SUCLA2: variants seen among roughly 807,000 people sequenced by gnomAD.
SUCLA2 encodes succinate-CoA ligase ADP-forming subunit beta, also known as succinate--CoA ligase [ADP-forming] subunit beta, mitochondrial.
Under a neutral mutation model 54.8 loss-of-function variants are expected in SUCLA2, and 30 were observed. The ratio of observed to expected loss-of-function variants is 0.55; its 90% CI spans 0.41 to 0.74. The LOEUF (loss-of-function observed/expected upper bound fraction) is 0.74. SUCLA2 is among the 30% of genes least tolerant of loss of function. The probability of loss-of-function intolerance (pLI) is 0.00; values close to 1 mark genes in which losing one functional copy is unlikely to be tolerated. For synonymous variants in SUCLA2, 172 were observed against 188.9 expected, an observed-to-expected ratio of 0.91 and a Z score of 0.74; for missense variants, 476 against 562.9, an observed-to-expected ratio of 0.85 and a Z score of 1.56.
At chr13:47,955,479 AGT>A (rs1949813147) in intron 6 of SUCLA2, among the ~76,000 whole-genome samples, 1 of 152,176 alleles carries the variant, frequency 6.6e-6, no homozygotes, top group African/African-American at 2.4e-5. Flanking sequence ...TGAGATTAAA[AGT>A]GTGAGCAACT....
chr13:47,978,021 C>CAA (rs1018014387), intron 4 of SUCLA2, among the ~76,000 whole-genome samples: 16 of 152,142 alleles, frequency 1.1e-4, no homozygotes, highest in African/African-American at 3.6e-4. Context: ...AGAAAGAACA[C>CAA]AAAGGGAAAA....
At chr13:47,977,974 C>T (rs935143645) in intron 4 of SUCLA2, among the ~76,000 whole-genome samples, 1 of 152,096 alleles carries the variant, frequency 6.6e-6, no homozygotes, top group Non-Finnish European at 1.5e-5. Context: ...TGAAGAACCT[C>T]TTCAAAGAGA....
chr13:47,943,910 G>A (rs987514409), intron 10 of SUCLA2, among the ~76,000 whole-genome samples: 2 of 151,908 alleles, frequency 1.3e-5, no homozygotes, highest in Non-Finnish European at 2.9e-5. Flanking sequence ...TGTTGGGATA[G>A]AAATTTGGGT....
chr13:47,986,660 T>C (rs181057710), intron 4 of SUCLA2, among the ~76,000 whole-genome samples: 29 of 152,338 alleles, frequency 1.9e-4, no homozygotes, highest in Non-Finnish European at 1.3e-4. Context: ...GATTTCCTTC[T>C]AGAGTTTTTA....
chr13:47,947,397 A>C (rs569017486), intron 10 of SUCLA2, among the ~76,000 whole-genome samples: 1 of 152,348 alleles, frequency 6.6e-6, no homozygotes, highest in East Asian at 1.9e-4. Flanking sequence ...ATTATTTTGA[A>C]AATTGGTCAA....
intron 4 of SUCLA2, among the ~76,000 whole-genome samples, chr13:47,983,741 G>A (rs952629146): frequency 2.0e-5 from 3 of 151,878 alleles, no homozygotes; most frequent in Admixed American, 6.6e-5. Context: ...CACCCGCCTC[G>A]GCCTCTCAAA....
intron 1 of SUCLA2, 83 bp downstream of exon 1, chr13:48,001,097 C>A (rs1950227488): frequency 2.0e-6 from 3 of 1,534,370 alleles, no homozygotes; most frequent in South Asian, 1.2e-5. Flanking sequence ...GGCGAAGTGA[C>A]CCCGAGCCGG....
At chr13:47,990,580 T>C (rs1950142168) in intron 2 of SUCLA2, among the ~76,000 whole-genome samples, 1 of 152,152 alleles carries the variant, frequency 6.6e-6, no homozygotes, top group South Asian at 2.1e-4. Flanking sequence ...GCACCAACTA[T>C]ACATTATGGC....
chr13:47,980,504 T>C (rs1287875822), intron 4 of SUCLA2, among the ~76,000 whole-genome samples: 1 of 152,146 alleles, frequency 6.6e-6, no homozygotes, highest in Non-Finnish European at 1.5e-5. Flanking sequence ...TTAATATTGT[T>C]AAACTGTGCA....
Position 47,985,943 on chromosome 13 carries a change from A to T in SUCLA2, c.534+2598T>A, listed in dbSNP as rs1290469939. Among the ~76,000 whole-genome samples, 6 of 150,842 alleles carry T rather than the reference A, an allele frequency of 4.0e-5. No individual in the cohort carries two copies. The East Asian group carries it at 1.2e-3, about 29-fold the overall frequency. ...ATGATAGCCACCTGAGTGGCATGAG[A>T]TGGTATCTCATTGTGGTTTTGATTT... On this transcript the variant is annotated intron_variant, in intron 4 of 10. Coordinates refer to ENST00000646932, the MANE Select transcript of SUCLA2 (RefSeq NM_003850.3).
intron 1 of SUCLA2, among the ~76,000 whole-genome samples, chr13:47,998,487 C>T (rs551245586): frequency 6.6e-6 from 1 of 151,830 alleles, no homozygotes; most frequent in Admixed American, 6.6e-5. Context: ...AGACAGAAAA[C>T]AGAAATTAGC....
intron 8 of SUCLA2, among the ~76,000 whole-genome samples, chr13:47,951,541 A>T (rs895507073): frequency 2.0e-5 from 3 of 152,170 alleles, no homozygotes; most frequent in African/African-American, 7.2e-5. Flanking sequence ...TTATTCAGGG[A>T]AAAGTAAAAA....
In SUCLA2 at chr13:47,949,563, C is replaced by T. The variant is rs778429318; in HGVS notation, c.1148G>A (p.Arg383His). 9 of 1,613,186 alleles carry T rather than the reference C, an allele frequency of 5.6e-6. No homozygotes were observed. Among genetic ancestry groups the T allele is most frequent in the African/African-American group, 2.7e-5 (2 of 74,832 alleles). Residue 383 changes from arginine (R) to histidine (H), a missense_variant, in exon 9 of 11, where the codon CGC (arginine) becomes CAC (histidine). Physicochemically the swap from Arg to His is conservative, Grantham distance 29 (BLOSUM62 0). Transcript: ENST00000646932. Reference protein sequence around the residue: ...ILVNIFGGIMRCDVIAQGIVM... With the variant: ...ILVNIFGGIMHCDVIAQGIVM... ...TATACCCTGTGCAATAACATCACAG[C>T]GCATGATTCCTCCAAAAATGTTGAC...
At chr13:47,965,495 AAAAAAAAAAAAACAAACAAAC>A (rs1361885996) in intron 6 of SUCLA2, 1 of 69,238 alleles carries the variant, frequency 1.4e-5, no homozygotes, top group Middle Eastern at 2.3e-3. Context: ...CCCCTTCTTT[AAAAAAAAAAAAACAAACAAAC>A]AAAAAAAAAA....
intron 1 of SUCLA2, among the ~76,000 whole-genome samples, chr13:48,000,102 C>G (rs973667041): frequency 2.0e-5 from 3 of 150,998 alleles, no homozygotes; most frequent in Admixed American, 2.0e-4. Flanking sequence ...ACTCACTACC[C>G]CTAGGCTGAA....
chr13:47,944,759 A>G (rs1271692753), intron 10 of SUCLA2, among the ~76,000 whole-genome samples: 1 of 152,226 alleles, frequency 6.6e-6, no homozygotes, highest in Non-Finnish European at 1.5e-5. Context: ...GTTTACTAGT[A>G]AGTACTTTCC....
chr13:48,000,874 G>C, intron 1 of SUCLA2: 1 of 1,238,980 alleles, frequency 8.1e-7, no homozygotes, highest in Middle Eastern at 3.3e-4. Context: ...AGCAGAAAAT[G>C]TCCTGACCCC....
At chr13:47,974,001 T>A (rs183175970) in intron 4 of SUCLA2, among the ~76,000 whole-genome samples, 2 of 152,012 alleles carry the variant, frequency 1.3e-5, no homozygotes, top group African/African-American at 4.8e-5. Context: ...GACAGGTTGA[T>A]GGGTGCAGCA....
At chr13:48,000,994 G>T in intron 1 of SUCLA2, 186 bp downstream of exon 1, 1 of 1,446,966 alleles carries the variant, frequency 6.9e-7, no homozygotes. Flanking sequence ...GGTCAGAGCC[G>T]CGCAAACATG....
Sources: allele counts gnomAD v4.1 joint callset (sites outside exome capture counted in the v4.1 genomes callset), GRCh38; gene constraint gnomAD v4.1.1; transcripts MANE v1.5; gene names NCBI Gene and HGNC (gene_info 2026-07-23, HGNC 2026-07-21).